The following RPS6KA5 variants were observed in gnomAD, a reference collection of about 807,000 sequenced individuals.
The protein encoded by RPS6KA5 is ribosomal protein S6 kinase A5, also known as ribosomal protein S6 kinase alpha-5.
A neutral mutation model predicts 85.5 loss-of-function variants in RPS6KA5; 27 were observed. The ratio of observed to expected loss-of-function variants is 0.32; its 90% CI spans 0.23 to 0.44. The LOEUF is 0.44. Ranked by LOEUF, RPS6KA5 falls within the 20% of genes least tolerant of loss-of-function variation. The probability of loss-of-function intolerance (pLI) is 1.00; values close to 1 mark genes in which losing one functional copy is unlikely to be tolerated. For synonymous variants in RPS6KA5, 334 were observed against 348.2 expected (o/e 0.96, Z 0.46); for missense variants, 811 against 980.9 (o/e 0.83, Z 2.31).
chr14:90,969,067 A>T (rs72697541), intron 3 of RPS6KA5, among the ~76,000 whole-genome samples: 5,348 of 152,194 alleles, frequency 0.035, 136 homozygotes, highest in Non-Finnish European at 0.051. Context: ...GTGTGTGTGT[A>T]TGTGTGTTTG....
chr14:90,864,502 A>G lies in RPS6KA5; in HGVS notation c.*7572T>C, dbSNP rs1341150121. The G allele has an allele frequency of 6.6e-6, 1 of 152,236 alleles. No homozygotes were observed. Among genetic ancestry groups the G allele is most frequent in the African/African-American group, 2.4e-5 (1 of 41,460 alleles). The allele number at this position is 152,236 out of a possible 1,614,324, so 9.4% of individuals were successfully genotyped here. On this transcript the variant is annotated 3_prime_UTR_variant, in exon 17 of 17. Coordinates refer to ENST00000614987, the MANE Select transcript of RPS6KA5 (RefSeq NM_004755.4). The stretch of plus-strand genomic sequence containing the variant: ...ACCTTGGTGTGAACATTTATTAAAT[A>G]CGACGCAAAAGTATTAGCAATTAAA...
At chr14:90,907,858 CT>C (rs558917710) in intron 7 of RPS6KA5, among the ~76,000 whole-genome samples, 148 of 152,280 alleles carry the variant, frequency 9.7e-4, no homozygotes, top group African/African-American at 3.4e-3. Context: ...AATCCTGCTT[CT>C]TGGGGAAAAA....
intron 14 of RPS6KA5, among the ~76,000 whole-genome samples, chr14:90,885,552 CAAAAAAAAAAAAAAAAAA>C (rs780292114): frequency 3.0e-4 from 6 of 19,876 alleles, no homozygotes; most frequent in South Asian, 2.1e-3. Context: ...GACTCCGTCT[CAAAAAAAAAAAAAAAAAA>C]AAAAAAAAAA....
At chr14:90,920,167 G>T in intron 7 of RPS6KA5, 39 bp downstream of exon 7, 1 of 1,257,736 alleles carries the variant, frequency 8.0e-7, no homozygotes, top group Non-Finnish European at 1.2e-6. Context: ...CAGTTCCTTT[G>T]AGAAAACAAT....
intron 6 of RPS6KA5, among the ~76,000 whole-genome samples, chr14:90,922,729 C>T (rs2036466424): frequency 1.3e-5 from 2 of 151,868 alleles, no homozygotes; most frequent in Admixed American, 1.3e-4. Context: ...GATTACAGGC[C>T]CTTAATTTTT....
intron 7 of RPS6KA5, among the ~76,000 whole-genome samples, chr14:90,918,286 G>A (rs1355750915): frequency 6.6e-6 from 1 of 152,138 alleles, no homozygotes; most frequent in Non-Finnish European, 1.5e-5. Context: ...AAGACTAAAG[G>A]TGTTGATAGT....
rs570630296 is a variant in RPS6KA5 at position 90,920,685 on chromosome 14, G to GA, written c.703-377dup. Among the ~76,000 whole-genome samples the GA allele has an allele frequency of 2.4e-3, 350 of 145,250 alleles. 1 individual carries two copies. The highest frequency in any genetic ancestry group is 4.7e-3 in the Admixed American group (69 of 14,574). ...GTCTAAAATTCAAAGAACAATAAAT[G>GA]AAAAAAAAAACCACATCCAAGGGTA... On this transcript the variant is annotated intron_variant, in intron 6 of 16. Coordinates refer to ENST00000614987, the MANE Select transcript of RPS6KA5 (RefSeq NM_004755.4).
At chr14:91,030,766 A>G (rs976228336) in intron 1 of RPS6KA5, among the ~76,000 whole-genome samples, 4 of 152,032 alleles carry the variant, frequency 2.6e-5, no homozygotes, top group Admixed American at 2.6e-4. Context: ...AAGAAGAAAT[A>G]AAACAAAAAA....
chr14:90,967,524 T>TA (rs1280948772), intron 3 of RPS6KA5, among the ~76,000 whole-genome samples: 1 of 152,238 alleles, frequency 6.6e-6, no homozygotes, highest in Non-Finnish European at 1.5e-5. Context: ...TGCCCTGACT[T>TA]ACATACTCAA....
chr14:90,956,414 C>A (rs925844682), intron 3 of RPS6KA5, among the ~76,000 whole-genome samples: 11 of 152,030 alleles, frequency 7.2e-5, no homozygotes, highest in African/African-American at 2.7e-4. Flanking sequence ...TCTATTTGTA[C>A]CTTTGATAGT....
chr14:90,952,251 A>G (rs2038237127), intron 3 of RPS6KA5, among the ~76,000 whole-genome samples: 1 of 152,240 alleles, frequency 6.6e-6, no homozygotes, highest in Non-Finnish European at 1.5e-5. Context: ...AAACAATCAA[A>G]CTGTCCAATG....
At chr14:91,059,639 G>T (rs990460584) in intron 1 of RPS6KA5, among the ~76,000 whole-genome samples, 2 of 152,202 alleles carry the variant, frequency 1.3e-5, no homozygotes, top group Admixed American at 6.5e-5. Flanking sequence ...CGTAAGCGCT[G>T]AAGCCTGCTC....
intron 5 of RPS6KA5, among the ~76,000 whole-genome samples, chr14:90,932,770 T>A (rs890331860): frequency 6.6e-6 from 1 of 152,190 alleles, no homozygotes; most frequent in Non-Finnish European, 1.5e-5. Flanking sequence ...TTTGACATTA[T>A]CCTTCTCAAG....
At chr14:90,935,619 T>G (rs2037213755) in intron 5 of RPS6KA5, among the ~76,000 whole-genome samples, 1 of 152,198 alleles carries the variant, frequency 6.6e-6, no homozygotes, top group South Asian at 2.1e-4. Context: ...TCCAAAGAAT[T>G]AATCAATAAA....
intron 1 of RPS6KA5, among the ~76,000 whole-genome samples, chr14:91,023,082 TAAA>T (rs368649949): frequency 3.1e-5 from 3 of 96,458 alleles, no homozygotes; most frequent in South Asian, 4.3e-4. Context: ...AAACTCTATC[TAAA>T]AAAAAAAAAA....
At chr14:90,899,957 A>C (rs1160538717) in intron 11 of RPS6KA5, 151 bp downstream of exon 11, 6 of 478,788 alleles carry the variant, frequency 1.3e-5, no homozygotes, top group Non-Finnish European at 2.1e-5. Flanking sequence ...TAGAGCTAAA[A>C]GTATAATGGA....
At chr14:90,923,939 C>T (rs1205088316) in intron 5 of RPS6KA5, among the ~76,000 whole-genome samples, 3 of 152,040 alleles carry the variant, frequency 2.0e-5, no homozygotes, top group African/African-American at 7.2e-5. Flanking sequence ...TTTATTATCT[C>T]AACTTAGAGG....
At chr14:90,894,729 A>C (rs2034744435) in intron 12 of RPS6KA5, 146 bp from the exon 13 acceptor site, 1 of 1,002,822 alleles carries the variant, frequency 1.0e-6, no homozygotes, top group Non-Finnish European at 1.4e-6. Flanking sequence ...ATCTTAGAGA[A>C]AAGGGCTGAA....
intron 1 of RPS6KA5, among the ~76,000 whole-genome samples, chr14:91,001,512 G>A (rs566440847): frequency 6.6e-6 from 1 of 152,286 alleles, no homozygotes; most frequent in East Asian, 1.9e-4. Flanking sequence ...GGATTGAGAA[G>A]ATGTATTTAT....
Sources: allele counts gnomAD v4.1 joint callset (sites outside exome capture counted in the v4.1 genomes callset), GRCh38; gene constraint gnomAD v4.1.1; transcripts MANE v1.5; gene names NCBI Gene and HGNC (gene_info 2026-07-23, HGNC 2026-07-21).